LST1: variants seen among roughly 807,000 people sequenced by gnomAD.
LST1 encodes leukocyte specific transcript 1.
A neutral mutation model predicts 8.5 loss-of-function variants in LST1; 9 were observed. The observed-to-expected ratio is 1.06, with a 90% CI of 0.64 to 1.85. LST1 has a LOEUF of 1.85. LST1 is among the 40% of genes most tolerant of loss of function. LST1 has a pLI of 0.00. For synonymous variants in LST1, 53 were observed against 50.4 expected, an observed-to-expected ratio of 1.05 and a Z score of -0.21; for missense variants, 121 against 117.1, an observed-to-expected ratio of 1.03 and a Z score of -0.16.
At position 31,588,750 on chromosome 6, in the gene LST1, T is replaced by C; in HGVS notation, c.*74T>C. On this transcript the variant is annotated 3_prime_UTR_variant, in exon 5 of 5. Transcript: ENST00000438075. ...GTGGTCCAGCCAGTAAAAACCATGG[T>C]CCCCCCACTTCTGTGTCTCAGTCCT... The C allele has an allele frequency of 6.9e-7, 1 of 1,450,636 alleles. No individual in the cohort carries two copies. Among genetic ancestry groups the C allele is most frequent in the Non-Finnish European group, 9.7e-7 (1 of 1,032,260 alleles). 89.9% of individuals were successfully genotyped at this position (1,450,636 alleles called of 1,614,324 possible).
Position 31,587,925 on chromosome 6 carries a change from GCTT to G in LST1, c.113-12_113-10del, listed in dbSNP as rs1205281288. On this transcript the variant is annotated splice_polypyrimidine_tract_variant and intron_variant, in intron 3 of 4. Coordinates refer to ENST00000438075, the MANE Select transcript of LST1 (RefSeq NM_205839.3). ...AAGCACAAAGGGTGGGCTGTGTTGA[GCTT>G]CTTCTTTTCTTCCAGTAAAGAGGCT... The G allele has an allele frequency of 8.7e-6, 14 of 1,608,868 alleles. No homozygotes were observed. Among genetic ancestry groups the G allele is most frequent in the Non-Finnish European group, 1.2e-5 (14 of 1,177,962 alleles).
intron 2 of LST1, 35 bp from the exon 3 acceptor site, chr6:31,587,606 A>G (rs2150405612): frequency 7.5e-7 from 1 of 1,334,070 alleles, no homozygotes; most frequent in East Asian, 2.4e-5. Context: ...TGGAGAAGGA[A>G]TGGGCTTCCT....
At chr6:31,587,170 G>A (rs1772008886) in intron 1 of LST1, 30 bp from the exon 2 acceptor site, 1 of 718,300 alleles carries the variant, frequency 1.4e-6, no homozygotes, top group Non-Finnish European at 2.6e-6. Context: ...GCCTGGGAAC[G>A]ATTATAACAG....
At chr6:31,587,593 C>G in intron 2 of LST1, 48 bp from the exon 3 acceptor site, 1 of 1,217,050 alleles carries the variant, frequency 8.2e-7, no homozygotes, top group Non-Finnish European at 1.2e-6. Context: ...GGCTGGGGTA[C>G]GCTGGAGAAG....
chr6:31,588,782 C>A lies in LST1; in HGVS notation c.*106C>A. The A allele has an allele frequency of 8.0e-7, 1 of 1,245,768 alleles. No individual in the cohort carries two copies. The highest frequency in any genetic ancestry group is 1.2e-5 in the South Asian group (1 of 82,982). 77.2% of individuals were successfully genotyped at this position (1,245,768 alleles called of 1,614,324 possible). A position where few individuals can be genotyped will look rare whatever the true frequency, so the allele number is the denominator to read the frequency against. The stretch of plus-strand genomic sequence containing the variant: ...ACTTCTGTGTCTCAGTCCTCTCAGT[C>A]CATCTCGAGCCTCCGTTCAAATTGA... On this transcript the variant is annotated 3_prime_UTR_variant, in exon 5 of 5. Coordinates refer to ENST00000438075, the MANE Select transcript of LST1 (RefSeq NM_205839.3).
chr6:31,586,716 A>G lies in LST1; in HGVS notation c.-101+401A>G, dbSNP rs151265148. The G allele has an allele frequency of 2.3e-3, 353 of 153,796 alleles. 4 individuals are homozygous for G. The highest frequency in any genetic ancestry group is 0.015 in the East Asian group (76 of 5,198). 9.5% of individuals were successfully genotyped at this position (153,796 alleles called of 1,614,324 possible). A position where few individuals can be genotyped will look rare whatever the true frequency, so the allele number is the denominator to read the frequency against. ...CATGCCCCACTTCAGCCCTAGCAGC[A>G]TCTGCCTGTGGGAAGCAGCTCTCCA... On this transcript the variant is annotated intron_variant, in intron 1 of 4. Transcript: ENST00000438075.
chr6:31,587,004 C>G, intron 1 of LST1, 196 bp from the exon 2 acceptor site: 1 of 551,474 alleles, frequency 1.8e-6, no homozygotes, highest in Non-Finnish European at 3.2e-6. Flanking sequence ...TAAACCCCAG[C>G]TCCACCTTTC....
At chr6:31,588,199 A>G in intron 4 of LST1, 2 of 573,560 alleles carry the variant, frequency 3.5e-6, no homozygotes, top group South Asian at 4.8e-5. Flanking sequence ...TGAGAGTGAG[A>G]GAGACACAAA....
Position 31,588,828 on chromosome 6 carries a change from G to T in LST1, c.*152G>T. The T allele has an allele frequency of 1.0e-6, 1 of 972,710 alleles. No homozygotes were observed. The highest frequency in any genetic ancestry group is 1.6e-6 in the Non-Finnish European group (1 of 637,932). The allele number at this position is 972,710 out of a possible 1,614,324, so 60.3% of individuals were successfully genotyped here. A position where few individuals can be genotyped will look rare whatever the true frequency, so the allele number is the denominator to read the frequency against. Reference sequence around the variant, plus strand: ...ATTGATCATCATCAAAACTTATGTGGCTTTTTGACCTTTGAATAGGGAATT... The same window carrying T: ...ATTGATCATCATCAAAACTTATGTGTCTTTTTGACCTTTGAATAGGGAATT... On this transcript the variant is annotated 3_prime_UTR_variant, in exon 5 of 5. Transcript: ENST00000438075.
chr6:31,587,483 G>A (rs1454435988), intron 2 of LST1, 158 bp from the exon 3 acceptor site: 2 of 895,428 alleles, frequency 2.2e-6, no homozygotes, highest in Non-Finnish European at 3.7e-6. Flanking sequence ...CTGGTAAGAG[G>A]TGAGGTATTA....
intron 2 of LST1, 142 bp from the exon 3 acceptor site, chr6:31,587,499 T>C: frequency 1.2e-6 from 1 of 837,040 alleles, no homozygotes; most frequent in Non-Finnish European, 2.0e-6. Flanking sequence ...TATTAAGGTC[T>C]GGGATGGAGA....
At chr6:31,587,408 G>T in intron 2 of LST1, 90 bp downstream of exon 2, 2 of 1,454,954 alleles carry the variant, frequency 1.4e-6, no homozygotes, top group Non-Finnish European at 1.9e-6. Flanking sequence ...CTCATGACTA[G>T]GTGGACAGGC....
chr6:31,587,687 G>A lies in LST1; in HGVS notation c.66G>A (p.Leu22=). 6.2e-7 allele frequency: 1 copy of A among 1,601,708 alleles called. No individual in the cohort carries two copies. Among genetic ancestry groups the A allele is most frequent in the Non-Finnish European group, 8.5e-7 (1 of 1,175,494 alleles). ...TGGGGCTGGGCGGGCTCCTGCTTCT[G>A]GCAGTGGTCCTTCTGTCCGCCTGCC... ...GGLGLGGLLL[L]AVVLLSACLC... is the part of the protein sequence containing the mutation. Residue 22 remains leucine (L), a synonymous_variant, in exon 3 of 5, where the codon CTG becomes CTA. Coordinates refer to ENST00000438075, the MANE Select transcript of LST1 (RefSeq NM_205839.3).
At chr6:31,588,218 C>A in intron 4 of LST1, 1 of 573,798 alleles carries the variant, frequency 1.7e-6, no homozygotes, top group Non-Finnish European at 3.1e-6. Flanking sequence ...AAGAGAAGAG[C>A]AATGAAAGAG....
chr6:31,588,195 T>G (rs1772173398), intron 4 of LST1: 3 of 548,132 alleles, frequency 5.5e-6, no homozygotes, highest in African/African-American at 2.0e-5. Flanking sequence ...AAAATGAGAG[T>G]GAGAGAGACA....
intron 4 of LST1, 108 bp downstream of exon 4, chr6:31,588,074 G>T: frequency 8.4e-7 from 1 of 1,189,550 alleles, no homozygotes; most frequent in Non-Finnish European, 1.2e-6. Flanking sequence ...GAGACAAGGA[G>T]AGAGAAAGTA....
In LST1 at chr6:31,588,880, A is replaced by G; in HGVS notation, c.*204A>G. On this transcript the variant is annotated 3_prime_UTR_variant, in exon 5 of 5. Transcript: ENST00000438075. ...TTTAAATTTTTTAAAAATTAAAATA[A>G]AAAAAACACATGGCTCACCCTTCCA... The G allele has an allele frequency of 2.3e-6, 2 of 880,320 alleles. No homozygotes were observed. The highest frequency in any genetic ancestry group is 3.4e-6 in the Non-Finnish European group (2 of 582,354). 54.5% of individuals were successfully genotyped at this position (880,320 alleles called of 1,614,324 possible). A position where few individuals can be genotyped will look rare whatever the true frequency, so the allele number is the denominator to read the frequency against.
At position 31,587,735 on chromosome 6, in the gene LST1, T is replaced by C. The variant is rs1283697385; in HGVS notation, c.112+2T>C. ...GCCTGTGTTGGCTGCATCGAAGAGGTGAGCGCTGCACTCCCTCCCTCCCCC... is the reference window on the plus strand; with the variant it reads ...GCCTGTGTTGGCTGCATCGAAGAGGCGAGCGCTGCACTCCCTCCCTCCCCC... On this transcript the variant is annotated splice_donor_variant, in intron 3 of 4. Coordinates refer to ENST00000438075, the MANE Select transcript of LST1 (RefSeq NM_205839.3). LOFTEE classifies it high-confidence loss of function. 1 of 1,589,518 alleles carries C rather than the reference T, an allele frequency of 6.3e-7. No homozygotes were observed. Among genetic ancestry groups the C allele is most frequent in the Non-Finnish European group, 8.6e-7 (1 of 1,168,124 alleles).
intron 2 of LST1, 133 bp from the exon 3 acceptor site, chr6:31,587,508 G>C (rs1347835771): frequency 1.2e-5 from 10 of 811,348 alleles, no homozygotes; most frequent in Non-Finnish European, 2.0e-5. Context: ...CTGGGATGGA[G>C]AAGCTCTGAG....
Sources: gnomAD v4.1 joint callset for allele counts on GRCh38, gnomAD v4.1.1 for gene constraint, MANE v1.5 for transcripts, NCBI Gene and HGNC (gene_info 2026-07-23, HGNC 2026-07-21) for gene names.